STOX2: variants seen among roughly 807,000 people sequenced by gnomAD.
STOX2 encodes storkhead box 2.
Under a neutral mutation model 60.9 loss-of-function variants are expected in STOX2, and 28 were observed. That is an observed-to-expected ratio of 0.46 (90% CI 0.34 to 0.63). The LOEUF is 0.63. Among genes scored for constraint, STOX2 ranks in the 30% least tolerant of loss-of-function variants. STOX2 has a pLI of 0.01. For missense variants in STOX2, 1,024 were observed against 1,187.7 expected (o/e 0.86, Z 2.03); for synonymous variants, 472 against 463.9 (o/e 1.02, Z -0.22).
intron 1 of STOX2, among the ~76,000 whole-genome samples, chr4:183,805,037 T>C (rs1738853588): frequency 6.6e-6 from 1 of 152,202 alleles, no homozygotes; most frequent in African/African-American, 2.4e-5. Flanking sequence ...GGGTTGAAAG[T>C]ATTTAGATGC....
At chr4:183,819,810 CT>C (rs1410205180) in intron 1 of STOX2, among the ~76,000 whole-genome samples, 1 of 152,176 alleles carries the variant, frequency 6.6e-6, no homozygotes, top group East Asian at 1.9e-4. Flanking sequence ...TTCTTTCTCC[CT>C]TTGCTTTGCT....
chr4:183,923,256 G>A (rs1273378398), intron 1 of STOX2, among the ~76,000 whole-genome samples: 1 of 152,176 alleles, frequency 6.6e-6, no homozygotes, highest in Non-Finnish European at 1.5e-5. Flanking sequence ...GTGTACAAGG[G>A]TTCTAATTTC....
rs372708693 is a variant in STOX2 at position 184,011,253 on chromosome 4, C to T, written c.2415C>T (p.Leu805=). The T allele has an allele frequency of 6.8e-6, 11 of 1,613,398 alleles. No homozygotes were observed. The Admixed American group carries it at 1.3e-4, about 20-fold the overall frequency. Residue 805 remains leucine, a synonymous_variant, in exon 3 of 4, where the codon CTC becomes CTT. Coordinates refer to ENST00000308497, the MANE Select transcript of STOX2 (RefSeq NM_020225.3). The surrounding 1 kb of genome is among the most constrained non-coding windows in gnomAD (Gnocchi z 4.4). ...AGGACGTAGGCACCATGCAGTGGCT[C>T]CTCGAGCGGGAGAAGGAAAGAGACT... ...NREDVGTMQW[L]LEREKERDLQ...
chr4:183,881,284 C>T (rs1479062065), intron 1 of STOX2, among the ~76,000 whole-genome samples: 3 of 152,000 alleles, frequency 2.0e-5, no homozygotes, highest in South Asian at 2.1e-4. Flanking sequence ...GGGCGGATCC[C>T]GAGGTCAGGA....
intron 1 of STOX2, among the ~76,000 whole-genome samples, chr4:183,924,893 T>C (rs1742198384): frequency 6.6e-6 from 1 of 152,184 alleles, no homozygotes; most frequent in Non-Finnish European, 1.5e-5. Context: ...GGTACATGCG[T>C]AGACCTCCCT....
intron 1 of STOX2, among the ~76,000 whole-genome samples, chr4:183,867,547 T>G (rs1302634311): frequency 6.6e-6 from 1 of 152,192 alleles, no homozygotes; most frequent in East Asian, 1.9e-4. Context: ...TCATAGTCAC[T>G]CGGAGCAGTG....
At chr4:183,976,373 A>C (rs1046607845) in intron 1 of STOX2, among the ~76,000 whole-genome samples, 1 of 152,240 alleles carries the variant, frequency 6.6e-6, no homozygotes, top group African/African-American at 2.4e-5. Context: ...ATACCAAAGA[A>C]GAAAAAAACC....
chr4:183,956,199 C>G (rs1429699665), intron 1 of STOX2, among the ~76,000 whole-genome samples: 1 of 152,200 alleles, frequency 6.6e-6, no homozygotes, highest in African/African-American at 2.4e-5. Flanking sequence ...CTGTTTTACA[C>G]CTCGCCGTTA....
At chr4:183,887,125 G>T (rs749528462) in intron 1 of STOX2, among the ~76,000 whole-genome samples, 1 of 152,094 alleles carries the variant, frequency 6.6e-6, no homozygotes, top group Non-Finnish European at 1.5e-5. Flanking sequence ...TTAGTCTGGC[G>T]TAGTGGTGCA....
At chr4:183,925,308 G>A (rs901661340) in intron 1 of STOX2, among the ~76,000 whole-genome samples, 4 of 152,078 alleles carry the variant, frequency 2.6e-5, no homozygotes, top group Non-Finnish European at 4.4e-5. Context: ...GAGGTACAAC[G>A]GGTGAAAATT....
chr4:183,861,540 G>A (rs1230205632), intron 1 of STOX2, among the ~76,000 whole-genome samples: 2 of 152,140 alleles, frequency 1.3e-5, no homozygotes, highest in African/African-American at 4.8e-5. Context: ...TTTGTAGATC[G>A]TGTGGATTTT....
At chr4:183,950,565 G>A (rs950412357) in intron 1 of STOX2, among the ~76,000 whole-genome samples, 1 of 152,196 alleles carries the variant, frequency 6.6e-6, no homozygotes, top group African/African-American at 2.4e-5. Flanking sequence ...GGAAGCCACT[G>A]GAAGGCTTAA....
intron 1 of STOX2, among the ~76,000 whole-genome samples, chr4:183,874,953 ATATATATATATATATATATATAT>A (rs1230538278): frequency 4.1e-5 from 1 of 24,610 alleles, no homozygotes; most frequent in Non-Finnish European, 7.1e-5. Context: ...AAAAAAAAAA[ATATATATATATATATATATATAT>A]ATATATATAT....
intron 1 of STOX2, among the ~76,000 whole-genome samples, chr4:183,974,051 T>C (rs1360457662): frequency 2.6e-5 from 4 of 152,196 alleles, no homozygotes; most frequent in Non-Finnish European, 5.9e-5. Flanking sequence ...AGAGTTTCAT[T>C]GTATATAGAT....
rs1389038984 is a variant in STOX2, at chr4:184,009,286, C to G, written c.448C>G (p.Leu150Val). 1.2e-6 allele frequency: 2 copies of G among 1,613,976 alleles called. No homozygotes were observed. Among genetic ancestry groups the G allele is most frequent in the Non-Finnish European group, 1.7e-6 (2 of 1,179,862 alleles). The change falls in exon 3 of 4, where the codon CTC (leucine) becomes GTC (valine). Residue 150 changes from leucine (L) to valine (V), a missense_variant. Leu to Val is a conservative substitution (Grantham distance 32, BLOSUM62 1). Coordinates refer to ENST00000308497, the MANE Select transcript of STOX2 (RefSeq NM_020225.3). The surrounding 1 kb of genome is among the most constrained non-coding windows in gnomAD (Gnocchi z 4.0). ...TPQTYFITPS[L>V]IRTNSKWYHL... ...ACAGACTTATTTCATAACTCCTTCC[C>G]TCATAAGAACTAACAGTAAATGGTA...
intron 1 of STOX2, among the ~76,000 whole-genome samples, chr4:183,841,008 C>T (rs964203587): frequency 6.6e-6 from 1 of 152,062 alleles, no homozygotes; most frequent in Non-Finnish European, 1.5e-5. Flanking sequence ...GCTGGGATTA[C>T]AGGTGCACAC....
intron 1 of STOX2, chr4:183,798,202 C>A: frequency 3.9e-6 from 3 of 778,696 alleles, no homozygotes; most frequent in Non-Finnish European, 5.1e-6. Context: ...GGGGGAGGAG[C>A]CGGGGGCCCT....
At chr4:183,979,201 G>A (rs1732561948) in intron 1 of STOX2, among the ~76,000 whole-genome samples, 1 of 152,276 alleles carries the variant, frequency 6.6e-6, no homozygotes, top group East Asian at 1.9e-4. Context: ...TTGTTGGATG[G>A]CCAGAGCAGG....
intron 1 of STOX2, among the ~76,000 whole-genome samples, chr4:183,809,699 G>A (rs977916753): frequency 1.4e-4 from 22 of 152,196 alleles, no homozygotes; most frequent in African/African-American, 5.1e-4. Context: ...TCCCGGCCCT[G>A]ACTTTTATTT....
Sources: allele counts gnomAD v4.1 joint callset (sites outside exome capture counted in the v4.1 genomes callset), GRCh38; gene constraint gnomAD v4.1.1; non-coding constraint Gnocchi (gnomAD v3.1); transcripts MANE v1.5; gene names NCBI Gene and HGNC (gene_info 2026-07-23, HGNC 2026-07-21).